MTMR8: variants seen among roughly 807,000 people sequenced by gnomAD.
The protein encoded by MTMR8 is myotubularin related protein 8.
In MTMR8, 65 loss-of-function variants were observed where a neutral mutation model predicts 39.3. The observed-to-expected ratio is 1.65, with a 90% confidence interval of 1.35 to 2.03. The LOEUF (loss-of-function observed/expected upper bound fraction) is 2.03, where lower values mean the gene tolerates loss of function less well. Among genes scored for constraint, MTMR8 ranks in the 30% most tolerant of loss-of-function variants. The pLI, the probability that MTMR8 is intolerant of heterozygous loss-of-function variation, is 0.00. For missense variants in MTMR8, 777 were observed against 538.9 expected (o/e 1.44, Z -4.37); for synonymous variants, 245 against 185.2 (o/e 1.32, Z -2.62).
At chrX:64,354,980 C>A in intron 3 of MTMR8, 46 bp from the exon 4 acceptor site, 1 of 1,029,288 alleles carries the variant, frequency 9.7e-7, no homozygotes, top group Admixed American at 3.0e-5. Context: ...TGAATGAAAC[C>A]TAAAAATCAT....
At chrX:64,373,612 A>G (rs1924183058) in intron 1 of MTMR8, among the ~76,000 whole-genome samples, 1 of 111,127 alleles carries the variant, frequency 9.0e-6, no homozygotes, top group Admixed American at 9.6e-5. Flanking sequence ...GAACTAATAC[A>G]CCATTATACT....
chrX:64,275,419 G>A (rs1052008065), intron 12 of MTMR8, among the ~76,000 whole-genome samples: 2 of 110,095 alleles, frequency 1.8e-5, no homozygotes, highest in Non-Finnish European at 3.8e-5. Flanking sequence ...GGTGGGGCCA[G>A]GTGCAGTGGC....
At chrX:64,312,276 G>A (rs1602125052) in intron 12 of MTMR8, among the ~76,000 whole-genome samples, 1 of 111,737 alleles carries the variant, frequency 8.9e-6, no homozygotes, top group East Asian at 2.8e-4. Context: ...TTTTGAATGG[G>A]AATTCACTCA....
At chrX:64,374,281 C>G (rs188468674) in intron 1 of MTMR8, among the ~76,000 whole-genome samples, 3 of 111,780 alleles carry the variant, frequency 2.7e-5, no homozygotes, top group Admixed American at 9.5e-5. Flanking sequence ...CTGGGAGACA[C>G]CTAGAACTGA....
rs1178128314 is a variant in MTMR8, at chrX:64,354,845, A to G, written c.400T>C (p.Ser134Pro). The change falls in exon 4 of 14, where the codon TCA becomes CCA. Residue 134 changes from serine (S) to proline (P), a missense_variant. Coordinates refer to ENST00000374852, the MANE Select transcript of MTMR8 (RefSeq NM_017677.4). Reference sequence around the variant, plus strand: ...GGTATTCCCATACGCCCAAAGTCTGATATTGGGTCAATCAGTTTCCATCCA... The same window carrying G: ...GGTATTCCCATACGCCCAAAGTCTGGTATTGGGTCAATCAGTTTCCATCCA... ...ESGWKLIDPI[S>P]DFGRMGIPNR... The G allele has an allele frequency of 8.3e-7, 1 of 1,205,146 alleles. No homozygotes were observed. Among genetic ancestry groups the G allele is most frequent in the Non-Finnish European group, 1.1e-6 (1 of 891,826 alleles).
At chrX:64,388,656 G>T (rs1924621562) in intron 1 of MTMR8, among the ~76,000 whole-genome samples, 1 of 112,229 alleles carries the variant, frequency 8.9e-6, no homozygotes, top group South Asian at 3.7e-4. Flanking sequence ...GAACCTTCCA[G>T]ATTGATACCA....
chrX:64,283,389 C>A (rs1921033302), intron 12 of MTMR8, among the ~76,000 whole-genome samples: 1 of 112,128 alleles, frequency 8.9e-6, no homozygotes, highest in South Asian at 3.7e-4. Flanking sequence ...GTACACTCCA[C>A]CTCTGGGGGC....
chrX:64,272,961 G>C (rs1931793033), intron 12 of MTMR8, among the ~76,000 whole-genome samples: 1 of 111,635 alleles, frequency 9.0e-6, no homozygotes, highest in Non-Finnish European at 1.9e-5. Context: ...AAACGAAAGA[G>C]AGATCAAGAC....
chrX:64,270,893 C>T, intron 13 of MTMR8, 54 bp downstream of exon 13: 1 of 1,179,479 alleles, frequency 8.5e-7, no homozygotes, highest in Non-Finnish European at 1.1e-6. Flanking sequence ...TCCAAGCAGG[C>T]TGGACCTACC....
chrX:64,278,837 G>A (rs1931942465), intron 12 of MTMR8, among the ~76,000 whole-genome samples: 1 of 111,246 alleles, frequency 9.0e-6, no homozygotes, highest in Non-Finnish European at 1.9e-5. Context: ...TCTGTTGCAG[G>A]TGTGCTGGAG....
chrX:64,278,460 GTTTTTTTTTTTTTTTTTTTTT>G (rs56132040), intron 12 of MTMR8, among the ~76,000 whole-genome samples: 1 of 24,686 alleles, frequency 4.1e-5, no homozygotes, highest in Non-Finnish European at 8.2e-5. Flanking sequence ...TATTTTGCTG[GTTTTTTTTTTTTTTTTTTTTT>G]TTTTTTTTTT....
intron 11 of MTMR8, among the ~76,000 whole-genome samples, chrX:64,329,986 G>T (rs1282448980): frequency 1.8e-5 from 2 of 111,494 alleles, no homozygotes; most frequent in Admixed American, 9.6e-5. Context: ...ATATTAATTT[G>T]CTCAAGGTCA....
chrX:64,336,983 A>G (rs781359183), intron 9 of MTMR8, among the ~76,000 whole-genome samples: 33 of 111,678 alleles, frequency 3.0e-4, no homozygotes, highest in Non-Finnish European at 5.8e-4. Context: ...AGTCTATTTG[A>G]CAGTCATCCA....
At chrX:64,310,074 G>A (rs913536337) in intron 12 of MTMR8, among the ~76,000 whole-genome samples, 1 of 111,539 alleles carries the variant, frequency 9.0e-6, no homozygotes, top group African/African-American at 3.3e-5. Flanking sequence ...TCTGTAGCAT[G>A]TGATGCTATT....
At chrX:64,301,804 C>T (rs1400374068) in intron 12 of MTMR8, among the ~76,000 whole-genome samples, 1 of 110,705 alleles carries the variant, frequency 9.0e-6, no homozygotes, top group East Asian at 2.8e-4. Context: ...CAGACAGGAC[C>T]CTCTGTTGGA....
At chrX:64,289,636 C>CAAAAAAAAAAAAAAAAAAAAAAA (rs749879321) in intron 12 of MTMR8, among the ~76,000 whole-genome samples, 12 of 26,418 alleles carry the variant, frequency 4.5e-4, no homozygotes, top group African/African-American at 1.2e-3. Flanking sequence ...GACTCCATCG[C>CAAAAAAAAAAAAAAAAAAAAAAA]AAAAAAAAAA....
At chrX:64,286,089 AAAG>A (rs1221470912) in intron 12 of MTMR8, among the ~76,000 whole-genome samples, 1 of 112,027 alleles carries the variant, frequency 8.9e-6, no homozygotes, top group East Asian at 2.8e-4. Flanking sequence ...CAAGACTAAT[AAAG>A]AATAAAAGAG....
Position 64,354,980 on chromosome X carries a change from C to G in MTMR8, c.311-46G>C, listed in dbSNP as rs756883331. 30 of 1,027,723 alleles carry G rather than the reference C, an allele frequency of 2.9e-5. No individual in the cohort carries two copies. In the South Asian group the frequency reaches 5.9e-4, roughly 20 times the overall value. The allele number at this position is 1,027,723 out of a possible 1,213,427, so 84.7% of individuals were successfully genotyped here. On this transcript the variant is annotated intron_variant, in intron 3 of 13. Coordinates refer to ENST00000374852, the MANE Select transcript of MTMR8 (RefSeq NM_017677.4). Reference sequence around the variant, plus strand: ...TGGAAAACAAAATGATGAATGAAACCTAAAAATCATCAAACAATGCAAATA... The same window carrying G: ...TGGAAAACAAAATGATGAATGAAACGTAAAAATCATCAAACAATGCAAATA...
chrX:64,313,128 C>A lies in MTMR8; in HGVS notation c.1481+15644G>T, dbSNP rs576654133. On this transcript the variant is annotated intron_variant, in intron 12 of 13. Coordinates refer to ENST00000374852, the MANE Select transcript of MTMR8 (RefSeq NM_017677.4). ...TGTCCTTTGGAAATTTGAAGCCAGA[C>A]ACTGACTTCTTCTTTCTAATTATGA... 3.1e-4 allele frequency among the ~76,000 whole-genome samples: 35 copies of A among 112,518 alleles called. No individual in the cohort carries two copies. In the South Asian group the frequency reaches 0.011, roughly 34 times the overall value.
Sources: allele counts gnomAD v4.1 joint callset (sites outside exome capture counted in the v4.1 genomes callset), GRCh38; gene constraint gnomAD v4.1.1; transcripts MANE v1.5; gene names NCBI Gene and HGNC (gene_info 2026-07-23, HGNC 2026-07-21).